GPBP1: variants seen among roughly 807,000 people sequenced by gnomAD.
The protein encoded by GPBP1 is GC-rich promoter binding protein 1.
A neutral mutation model predicts 56.5 loss-of-function variants in GPBP1; 13 were observed. The ratio of observed to expected loss-of-function variants is 0.23; its 90% confidence interval spans 0.15 to 0.37. The LOEUF (loss-of-function observed/expected upper bound fraction) is 0.37, where lower values mean the gene tolerates loss of function less well. GPBP1 is among the 10% of genes least tolerant of loss of function. The pLI, the probability that GPBP1 is intolerant of heterozygous loss-of-function variation, is 1.00. For missense variants in GPBP1, 477 were observed against 572.3 expected, an observed-to-expected ratio of 0.83 and a Z score of 1.70; for synonymous variants, 204 against 188.9, an observed-to-expected ratio of 1.08 and a Z score of -0.66.
chr5:57,185,482 T>C (rs1243266063), intron 2 of GPBP1, among the ~76,000 whole-genome samples: 1 of 152,112 alleles, frequency 6.6e-6, no homozygotes, highest in African/African-American at 2.4e-5. Context: ...TTGGTCAGGT[T>C]GGTCTGGAAC....
intron 6 of GPBP1, among the ~76,000 whole-genome samples, chr5:57,239,489 G>A (rs1306159526): frequency 2.0e-5 from 3 of 152,110 alleles, no homozygotes; most frequent in Non-Finnish European, 2.9e-5. Flanking sequence ...AAATAAAGAC[G>A]TTAAAAACCA....
At chr5:57,231,403 A>T in intron 5 of GPBP1, 82 bp downstream of exon 5, 1 of 1,077,706 alleles carries the variant, frequency 9.3e-7, no homozygotes, top group Non-Finnish European at 1.3e-6. Flanking sequence ...CCTCTCCAGT[A>T]TCTGGGATTA....
In GPBP1 at chr5:57,198,607, G is replaced by C. The variant is rs188942382; in HGVS notation, c.-57-15467G>C. 4.0e-3 allele frequency among the ~76,000 whole-genome samples: 611 copies of C among 152,214 alleles called. 8 individuals carry two copies. The highest frequency in any genetic ancestry group is 0.014 in the African/African-American group (587 of 41,528). On this transcript the variant is annotated intron_variant, in intron 2 of 11. Transcript: ENST00000506184. The stretch of plus-strand genomic sequence containing the variant: ...GTCACACCTGTAATCTCAGCATTTT[G>C]GGAGGCTGAGACTGGCGGATTGCTT...
intron 10 of GPBP1, among the ~76,000 whole-genome samples, chr5:57,252,054 A>G (rs1001842118): frequency 6.6e-6 from 1 of 152,142 alleles, no homozygotes. Flanking sequence ...TATAAGTCTC[A>G]TATATGATTG....
intron 2 of GPBP1, among the ~76,000 whole-genome samples, chr5:57,201,271 T>C (rs1755010057): frequency 6.6e-6 from 1 of 152,226 alleles, no homozygotes; most frequent in Non-Finnish European, 1.5e-5. Context: ...GACTTACAAG[T>C]GTGTGCTACC....
chr5:57,261,624 A>G (rs541056310), intron 11 of GPBP1, among the ~76,000 whole-genome samples: 6 of 152,286 alleles, frequency 3.9e-5, no homozygotes, highest in African/African-American at 1.4e-4. Flanking sequence ...AGTGATGTCT[A>G]TGGATTAGTC....
At chr5:57,238,618 C>G (rs2111887869) in intron 6 of GPBP1, among the ~76,000 whole-genome samples, 1 of 152,080 alleles carries the variant, frequency 6.6e-6, no homozygotes, top group South Asian at 2.1e-4. Context: ...TTTAGAAGTC[C>G]TATGGAGTAC....
intron 3 of GPBP1, 44 bp from the exon 4 acceptor site, chr5:57,230,802 T>C: frequency 5.2e-6 from 8 of 1,525,586 alleles, no homozygotes; most frequent in Non-Finnish European, 7.2e-6. Flanking sequence ...TTTAAAGTTA[T>C]ATTTAGGTTT....
intron 2 of GPBP1, among the ~76,000 whole-genome samples, chr5:57,185,063 C>T (rs940001853): frequency 6.6e-6 from 1 of 152,104 alleles, no homozygotes; most frequent in Non-Finnish European, 1.5e-5. Flanking sequence ...CAGTTTTTGA[C>T]TGTTGCAAAT....
At chr5:57,220,262 C>G (rs1755897783) in intron 3 of GPBP1, among the ~76,000 whole-genome samples, 1 of 151,620 alleles carries the variant, frequency 6.6e-6, no homozygotes, top group South Asian at 2.1e-4. Context: ...AGTGTGATTA[C>G]AGATGTGAGC....
At position 57,263,707 on chromosome 5, in the gene GPBP1, C is replaced by T. The variant is rs1005252894; in HGVS notation, c.*955C>T. The T allele has an allele frequency of 9.2e-5, 14 of 152,144 alleles. No individual in the cohort carries two copies. Among genetic ancestry groups the T allele is most frequent in the African/African-American group, 3.1e-4 (13 of 41,448 alleles). 9.4% of individuals were successfully genotyped at this position (152,144 alleles called of 1,614,324 possible). On this transcript the variant is annotated 3_prime_UTR_variant, in exon 12 of 12. Coordinates refer to ENST00000506184, the MANE Select transcript of GPBP1 (RefSeq NM_022913.4). ...AATACCTTACTAAAGATGGTGATTA[C>T]TTTTCCGAGGTCAGAAAAGGAAAGC...
rs754948280 is a variant in GPBP1 at position 57,247,185 on chromosome 5, C to T, written c.774C>T (p.Asn258=). The change falls in exon 8 of 12, where the codon AAC becomes AAT. Residue 258 remains asparagine, a synonymous_variant. Transcript: ENST00000506184. ...ATGCTTTTAAATCAACTGCCAAGAACTTTAGTCCATCTACAAATTCAGTGA... is the reference window on the plus strand; with the variant it reads ...ATGCTTTTAAATCAACTGCCAAGAATTTTAGTCCATCTACAAATTCAGTGA... ...NFNAFKSTAK[N]FSPSTNSVKE... is the part of the protein sequence containing the mutation. 1 of 1,613,460 alleles carries T rather than the reference C, an allele frequency of 6.2e-7. No individual in the cohort carries two copies. The highest frequency in any genetic ancestry group is 8.5e-7 in the Non-Finnish European group (1 of 1,179,722).
At chr5:57,249,274 G>A in intron 8 of GPBP1, 135 bp from the exon 9 acceptor site, 1 of 649,406 alleles carries the variant, frequency 1.5e-6, no homozygotes, top group Non-Finnish European at 2.6e-6. Flanking sequence ...GATAGAACTA[G>A]ACTGTAACAT....
chr5:57,208,088 C>T (rs528641123), intron 2 of GPBP1, among the ~76,000 whole-genome samples: 1 of 152,188 alleles, frequency 6.6e-6, no homozygotes, highest in African/African-American at 2.4e-5. Flanking sequence ...GATCCGTGGG[C>T]ACAGAACCGG....
chr5:57,241,657 C>T (rs1580063667), intron 6 of GPBP1, among the ~76,000 whole-genome samples: 1 of 152,172 alleles, frequency 6.6e-6, no homozygotes, highest in African/African-American at 2.4e-5. Context: ...TCACATTTGC[C>T]TTCAGTTGTT....
chr5:57,227,154 G>T (rs756789796), intron 3 of GPBP1, among the ~76,000 whole-genome samples: 12 of 152,168 alleles, frequency 7.9e-5, no homozygotes, highest in Non-Finnish European at 1.6e-4. Context: ...CCAGGTTCAA[G>T]CAGTTCTCCT....
At chr5:57,201,642 C>G (rs1266362461) in intron 2 of GPBP1, among the ~76,000 whole-genome samples, 1 of 152,082 alleles carries the variant, frequency 6.6e-6, no homozygotes, top group African/African-American at 2.4e-5. Context: ...TGGCCTCTTG[C>G]TGTAAGGTTA....
chr5:57,174,467 G>C (rs1753706182), intron 1 of GPBP1, among the ~76,000 whole-genome samples: 1 of 152,176 alleles, frequency 6.6e-6, no homozygotes, highest in African/African-American at 2.4e-5. Context: ...CCGGCGGCTT[G>C]GTTGGGGGGT....
chr5:57,189,553 C>A (rs1301839284), intron 2 of GPBP1, among the ~76,000 whole-genome samples: 2 of 38,722 alleles, frequency 5.2e-5, no homozygotes, highest in Non-Finnish European at 1.2e-4. Flanking sequence ...CCACTGCGCT[C>A]AGCCCACTTT....
Sources: allele counts gnomAD v4.1 joint callset (sites outside exome capture counted in the v4.1 genomes callset), GRCh38; gene constraint gnomAD v4.1.1; transcripts MANE v1.5; gene names NCBI Gene and HGNC (gene_info 2026-07-23, HGNC 2026-07-21).